The following RAB23 variants were observed in gnomAD, a reference collection of about 807,000 sequenced individuals.
RAB23 encodes the protein ras-related protein Rab-23.
A neutral mutation model predicts 30.0 loss-of-function variants in RAB23; 15 were observed. That is an observed-to-expected ratio of 0.50 (90% CI 0.33 to 0.77). The LOEUF (loss-of-function observed/expected upper bound fraction) is 0.77, where lower values mean the gene tolerates loss of function less well. Ranked by LOEUF, RAB23 falls within the 30% of genes least tolerant of loss-of-function variation. The pLI is 0.02. For missense variants in RAB23, 243 were observed against 275.4 expected (o/e 0.88, Z 0.83); for synonymous variants, 93 against 94.0 (o/e 0.99, Z 0.06).
chr6:57,194,030 A>T, intron 5 of RAB23, 96 bp from the exon 6 acceptor site: 1 of 1,500,810 alleles, frequency 6.7e-7, no homozygotes, highest in South Asian at 1.3e-5. Context: ...TTACTAAACA[A>T]ATTTAAAGTT....
chr6:57,200,269 T>C (rs1765197974), intron 3 of RAB23, among the ~76,000 whole-genome samples: 1 of 150,976 alleles, frequency 6.6e-6, no homozygotes, highest in Non-Finnish European at 1.5e-5. Flanking sequence ...CCGGGTGCGG[T>C]GGCTCATGCC....
intron 3 of RAB23, among the ~76,000 whole-genome samples, chr6:57,197,919 TTTTTG>T (rs944250391): frequency 1.4e-4 from 22 of 152,044 alleles, no homozygotes; most frequent in African/African-American, 1.4e-4. Flanking sequence ...ATTCTTTGTT[TTTTTG>T]TTTTGTTTTG....
chr6:57,195,878 T>C (rs1765005853), intron 4 of RAB23, among the ~76,000 whole-genome samples: 1 of 152,192 alleles, frequency 6.6e-6, no homozygotes, highest in African/African-American at 2.4e-5. Context: ...TTGGGCTAAT[T>C]TGTTACATAG....
intron 3 of RAB23, among the ~76,000 whole-genome samples, chr6:57,201,404 C>T (rs1203104897): frequency 1.3e-5 from 2 of 151,882 alleles, no homozygotes; most frequent in Non-Finnish European, 2.9e-5. Flanking sequence ...TGAGAGGTGA[C>T]CTCCATATAC....
In RAB23 at chr6:57,194,773, C is replaced by T; in HGVS notation, c.478G>A (p.Glu160Lys). Residue 160 changes from glutamate (E) to lysine (K), a missense_variant, in exon 5 of 7, where the codon GAA becomes AAA. Glu to Lys is a moderately conservative substitution (Grantham distance 56). Transcript: ENST00000468148. The stretch of plus-strand genomic sequence containing the variant: ...ATATCCTTTAAAGGTAATTTACCTT[C>T]ATTCACATTTAGATCTTCTTTCACT... ...TSVKEDLNVN[E>K]VFKYLAEKYL... The T allele has an allele frequency of 6.2e-7, 1 of 1,606,738 alleles. No homozygotes were observed. The highest frequency in any genetic ancestry group is 8.5e-7 in the Non-Finnish European group (1 of 1,174,000).
At position 57,196,540 on chromosome 6, in the gene RAB23, C is replaced by T; in HGVS notation, c.308G>A (p.Trp103Ter). The change falls in exon 4 of 7, where the codon TGG becomes TAG. Residue 103 changes from tryptophan (W) to a stop codon, truncating the protein, a stop_gained. Transcript: ENST00000468148. LOFTEE classifies it high-confidence loss of function. The stretch of plus-strand genomic sequence containing the variant: ...CACTTCGGCTACTACTTTCTCTCTC[C>T]AACTGGAAACTGCTTCAAAAGATTC... ...DRESFEAVSS[W>*]REKVVAEVGD... The T allele has an allele frequency of 6.2e-7, 1 of 1,614,010 alleles. No individual in the cohort carries two copies. Among genetic ancestry groups the T allele is most frequent in the Non-Finnish European group, 8.5e-7 (1 of 1,179,968 alleles).
chr6:57,211,853 A>G (rs1170542415), intron 1 of RAB23, among the ~76,000 whole-genome samples: 2 of 152,216 alleles, frequency 1.3e-5, no homozygotes, highest in Non-Finnish European at 2.9e-5. Flanking sequence ...CTGCTCCTTT[A>G]GCTATTATAT....
chr6:57,202,973 T>C (rs1431840076), intron 3 of RAB23, among the ~76,000 whole-genome samples: 1 of 148,884 alleles, frequency 6.7e-6, no homozygotes, highest in Non-Finnish European at 1.5e-5. Context: ...TACAGTCAGC[T>C]AAAAAGTTAA....
At chr6:57,219,689 G>T (rs1274072512) in intron 1 of RAB23, among the ~76,000 whole-genome samples, 1 of 152,174 alleles carries the variant, frequency 6.6e-6, no homozygotes, top group East Asian at 1.9e-4. Context: ...TTTAACAAAG[G>T]TGCAAAAGCA....
At chr6:57,205,261 T>C (rs1765419334) in intron 3 of RAB23, among the ~76,000 whole-genome samples, 2 of 152,084 alleles carry the variant, frequency 1.3e-5, no homozygotes, top group South Asian at 2.1e-4. Flanking sequence ...TGTATATATA[T>C]ATAAAAATAA....
chr6:57,215,051 T>C (rs1014451239), intron 1 of RAB23, among the ~76,000 whole-genome samples: 2 of 152,154 alleles, frequency 1.3e-5, no homozygotes, highest in African/African-American at 4.8e-5. Flanking sequence ...AACTAAATGA[T>C]ATGTTCAACG....
intron 4 of RAB23, among the ~76,000 whole-genome samples, chr6:57,196,156 C>T (rs1765016486): frequency 6.6e-6 from 1 of 152,108 alleles, no homozygotes; most frequent in Admixed American, 6.5e-5. Flanking sequence ...TAAGGTTTGA[C>T]TTAACATGAA....
intron 1 of RAB23, among the ~76,000 whole-genome samples, chr6:57,219,758 T>C (rs1293906086): frequency 1.3e-5 from 2 of 152,158 alleles, no homozygotes; most frequent in East Asian, 3.8e-4. Context: ...TGGACATCCA[T>C]ATGCAAAAAA....
intron 1 of RAB23, among the ~76,000 whole-genome samples, chr6:57,219,194 A>C (rs1765961505): frequency 6.6e-6 from 1 of 152,236 alleles, no homozygotes; most frequent in Non-Finnish European, 1.5e-5. Flanking sequence ...TGTACAAACA[A>C]TGTACAATTT....
At chr6:57,192,256 T>C (rs1269915502) in intron 6 of RAB23, among the ~76,000 whole-genome samples, 1 of 152,192 alleles carries the variant, frequency 6.6e-6, no homozygotes, top group East Asian at 1.9e-4. Context: ...ATAAAGAACT[T>C]TATAGTTTCC....
chr6:57,197,881 A>G (rs1765085432), intron 3 of RAB23, among the ~76,000 whole-genome samples: 1 of 152,108 alleles, frequency 6.6e-6, no homozygotes, highest in Non-Finnish European at 1.5e-5. Flanking sequence ...TGGGACTTAC[A>G]GGAGGAGCCT....
At chr6:57,208,626 CAAA>C (rs1168854982) in intron 2 of RAB23, among the ~76,000 whole-genome samples, 2 of 46,916 alleles carry the variant, frequency 4.3e-5, no homozygotes, top group East Asian at 8.2e-4. Context: ...GACTCTGTCT[CAAA>C]AAAAAAAAAA....
intron 3 of RAB23, among the ~76,000 whole-genome samples, chr6:57,200,048 A>C (rs559602852): frequency 1.3e-5 from 2 of 152,168 alleles, no homozygotes; most frequent in Non-Finnish European, 2.9e-5. Context: ...CTTTTTTAAA[A>C]AAAAACTTTG....
chr6:57,205,020 A>G (rs1043982800), intron 3 of RAB23, among the ~76,000 whole-genome samples: 1 of 151,470 alleles, frequency 6.6e-6, no homozygotes, highest in Admixed American at 6.6e-5. Context: ...ATAGATACAT[A>G]CATATATGTA....
Sources: allele counts gnomAD v4.1 joint callset (sites outside exome capture counted in the v4.1 genomes callset), GRCh38; gene constraint gnomAD v4.1.1; transcripts MANE v1.5; gene names NCBI Gene and HGNC (gene_info 2026-07-23, HGNC 2026-07-21).